The following COL6A3 variants were observed in gnomAD, a reference collection of about 807,000 sequenced individuals.
COL6A3 encodes collagen type VI alpha 3 chain.
A neutral mutation model predicts 274.1 loss-of-function variants in COL6A3; 137 were observed. The ratio of observed to expected loss-of-function variants is 0.50; its 90% CI spans 0.44 to 0.58. COL6A3 has a LOEUF of 0.58. Ranked by LOEUF, COL6A3 falls within the 20% of genes least tolerant of loss-of-function variation. The probability of loss-of-function intolerance (pLI) is 0.00; values close to 1 mark genes in which losing one functional copy is unlikely to be tolerated. For missense variants in COL6A3, 3,950 were observed against 4,124.9 expected (o/e 0.96, Z 1.16); for synonymous variants, 1,650 against 1,650.6 (o/e 1.00, Z 0.01).
intron 1 of COL6A3, among the ~76,000 whole-genome samples, chr2:237,409,671 C>T (rs150696767): frequency 1.2e-4 from 18 of 152,228 alleles, no homozygotes; most frequent in East Asian, 5.8e-4. Flanking sequence ...ATATTCAAGA[C>T]GAGACATTCA....
Position 237,366,788 on chromosome 2 carries a change from C to T in COL6A3, c.5399G>A (p.Gly1800Asp). The change falls in exon 11 of 44, where the codon GGC becomes GAC. Residue 1800 changes from glycine (G) to aspartate (D), a missense_variant. Transcript: ENST00000295550. ...ASNSATAFRV[G>D]NVQELSELSE... The stretch of plus-strand genomic sequence containing the variant: ...CAGTTCGGACAGCTCCTGGACGTTG[C>T]CCACGCGGAACGCTGTGGCGCTGTT... The T allele has an allele frequency of 6.2e-7, 1 of 1,614,286 alleles. No individual in the cohort carries two copies. The highest frequency in any genetic ancestry group is 8.5e-7 in the Non-Finnish European group (1 of 1,180,050).
Position 237,361,355 on chromosome 2 carries a change from T to C in COL6A3, c.6157-181A>G, listed in dbSNP as rs1394561723. On this transcript the variant is annotated intron_variant, in intron 15 of 43. Transcript: ENST00000295550. The surrounding 1 kb of genome is among the most constrained non-coding windows in gnomAD (Gnocchi z 5.1). ...TTCTCTCTATCAGGATCTCTAAGGCTCCTGCTCTGCCAAGAAAGCCTGTTA... is the reference window on the plus strand; with the variant it reads ...TTCTCTCTATCAGGATCTCTAAGGCCCCTGCTCTGCCAAGAAAGCCTGTTA... Among the ~76,000 whole-genome samples the C allele has an allele frequency of 2.6e-5, 4 of 152,206 alleles. No individual in the cohort carries two copies. The highest frequency in any genetic ancestry group is 4.8e-5 in the African/African-American group (2 of 41,458).
rs776329513 is a variant in COL6A3 at position 237,387,806 on chromosome 2, C to G, written c.1088G>C (p.Arg363Pro). ...ISAGPSSDEI[R>P]YGVVALKQAS... Reference sequence around the variant, plus strand: ...CTGCTTCAGTGCTACCACCCCGTAGCGAATCTCGTCACTAGAAGGCCCGGC... The same window carrying G: ...CTGCTTCAGTGCTACCACCCCGTAGGGAATCTCGTCACTAGAAGGCCCGGC... The change falls in exon 4 of 44, where the codon CGC becomes CCC. Residue 363 changes from arginine to proline, a missense_variant. By Grantham distance (103) the Arg-to-Pro change is moderately radical. This residue lies in a region of COL6A3 where 1,934 missense variants were observed against 1,984.3 expected (regional missense o/e 0.97). Transcript: ENST00000295550. 6.2e-7 allele frequency: 1 copy of G among 1,614,110 alleles called. No individual in the cohort carries two copies. The highest frequency in any genetic ancestry group is 1.1e-5 in the South Asian group (1 of 91,066).
At chr2:237,385,693 A>G (rs1293780766) in intron 4 of COL6A3, among the ~76,000 whole-genome samples, 1 of 152,218 alleles carries the variant, frequency 6.6e-6, no homozygotes, top group Non-Finnish European at 1.5e-5. Flanking sequence ...AGCAGGTCAT[A>G]AATTTTCACT....
At chr2:237,406,561 C>T (rs1276067827) in intron 1 of COL6A3, among the ~76,000 whole-genome samples, 3 of 152,182 alleles carry the variant, frequency 2.0e-5, no homozygotes, top group African/African-American at 4.8e-5. Flanking sequence ...ATTTGAGGCA[C>T]TCATCCACCC....
Position 237,342,243 on chromosome 2 carries a change from G to T in COL6A3, c.7669-82C>A. On this transcript the variant is annotated intron_variant, in intron 36 of 43. Transcript: ENST00000295550. ...AAATATGGCAGAGGAGTAAATCAAAGCTACATCAATAAAATAGATTAACTT... is the reference window on the plus strand; with the variant it reads ...AAATATGGCAGAGGAGTAAATCAAATCTACATCAATAAAATAGATTAACTT... The T allele has an allele frequency of 7.6e-6, 8 of 1,049,986 alleles. No homozygotes were observed. The South Asian group carries it at 8.0e-5, about 11-fold the overall frequency. The allele number at this position is 1,049,986 out of a possible 1,614,324, so 65.0% of individuals were successfully genotyped here. A position where few individuals can be genotyped will look rare whatever the true frequency, so the allele number is the denominator to read the frequency against.
Position 237,357,379 on chromosome 2 carries a change from T to G in COL6A3, c.6550A>C (p.Arg2184=). The change falls in exon 23 of 44, where the codon AGA becomes CGA. Residue 2184 remains arginine (R), a synonymous_variant. Transcript: ENST00000295550. ...GDLGPMGVPG[R]DGVPGGPGET... ...CCAGGTCCTCCAGGTACTCCATCTC[T>G]CCCTGGGACACCCTGGTGTGGGGAA... 5 of 1,612,106 alleles carry G rather than the reference T, an allele frequency of 3.1e-6. No homozygotes were observed. Among genetic ancestry groups the G allele is most frequent in the Non-Finnish European group, 4.2e-6 (5 of 1,178,166 alleles).
Position 237,354,907 on chromosome 2 carries a change from C to T in COL6A3, c.6619G>A (p.Gly2207Arg), listed in dbSNP as rs1053994705. ...CACTGCATGAGGCTCACCTTAGCTC[C>T]GGGGGGTCCCCTTCGGCCAAAGCCA... ...NGGFGRRGPP[G>R]AKGNKGGPGQ... is the part of the protein sequence containing the mutation. The change falls in exon 24 of 44, where the codon GGA becomes AGA. Residue 2207 changes from glycine to arginine, a missense_variant. By Grantham distance (125) the Gly-to-Arg change is moderately radical. Around this residue, in one of 5 missense-constraint regions of COL6A3, gnomAD observed 1,284 missense variants for 1,349.7 expected, o/e 0.95. Transcript: ENST00000295550. 8 of 1,613,576 alleles carry T rather than the reference C, an allele frequency of 5.0e-6. No homozygotes were observed. Among genetic ancestry groups the T allele is most frequent in the Non-Finnish European group, 6.8e-6 (8 of 1,179,826 alleles).
Position 237,360,166 on chromosome 2 carries a change from T to G in COL6A3, c.6211-7A>C. 3 of 1,614,118 alleles carry G rather than the reference T, an allele frequency of 1.9e-6. No individual in the cohort carries two copies. Among genetic ancestry groups the G allele is most frequent in the Non-Finnish European group, 2.5e-6 (3 of 1,180,018 alleles). The stretch of plus-strand genomic sequence containing the variant: ...CAGGCGGACCACGCTCACCCTGTTG[T>G]GAGAGACAAAGGCATTTTGCAAGCT... On this transcript the variant is annotated splice_polypyrimidine_tract_variant and splice_region_variant and intron_variant, in intron 16 of 43. Coordinates refer to ENST00000295550, the MANE Select transcript of COL6A3 (RefSeq NM_004369.4).
chr2:237,369,244 C>T, intron 9 of COL6A3, 67 bp from the exon 10 acceptor site: 1 of 1,577,098 alleles, frequency 6.3e-7, no homozygotes, highest in Non-Finnish European at 8.6e-7. Flanking sequence ...GTTTGGTGTG[C>T]ACCTTGCACC....
At position 237,350,305 on chromosome 2, in the gene COL6A3, C is replaced by T. The variant is rs1426920742; in HGVS notation, c.6817-96G>A. 6.6e-6 allele frequency: 7 copies of T among 1,063,538 alleles called. No individual in the cohort carries two copies. In the Admixed American group the frequency reaches 9.1e-5, roughly 14 times the overall value. The allele number at this position is 1,063,538 out of a possible 1,614,324, so 65.9% of individuals were successfully genotyped here. ...TTTGCTCTAGGTAAGGGTGCTGCAA[C>T]ATGCTGACTTCACCTTTGAGATTTC... On this transcript the variant is annotated intron_variant, in intron 27 of 43. Transcript: ENST00000295550.
intron 42 of COL6A3, chr2:237,328,799 T>C (rs1364484770): frequency 6.6e-6 from 1 of 152,212 alleles, no homozygotes; most frequent in Non-Finnish European, 1.5e-5. Context: ...AAGTACTTCC[T>C]TGAGCAAACT....
At chr2:237,400,532 C>A (rs756260895) in intron 1 of COL6A3, among the ~76,000 whole-genome samples, 14 of 151,662 alleles carry the variant, frequency 9.2e-5, no homozygotes, top group Non-Finnish European at 1.9e-4. Context: ...TTGAAATATA[C>A]AATCCACCAA....
rs1034523342 is a variant in COL6A3 at position 237,380,736 on chromosome 2, T to C, written c.1897+179A>G. Among the ~76,000 whole-genome samples, 6 of 152,242 alleles carry C rather than the reference T, an allele frequency of 3.9e-5. No individual in the cohort carries two copies. In the East Asian group the frequency reaches 5.8e-4, roughly 15 times the overall value. On this transcript the variant is annotated intron_variant, in intron 5 of 43. Coordinates refer to ENST00000295550, the MANE Select transcript of COL6A3 (RefSeq NM_004369.4). Reference sequence around the variant, plus strand: ...TATGAAATTTCATTGCATGACATTGTAAACCATACAATCCTGAACCCAGTG... The same window carrying C: ...TATGAAATTTCATTGCATGACATTGCAAACCATACAATCCTGAACCCAGTG...
At chr2:237,389,682 C>T (rs1181771687) in intron 3 of COL6A3, among the ~76,000 whole-genome samples, 3 of 152,166 alleles carry the variant, frequency 2.0e-5, no homozygotes, top group Non-Finnish European at 4.4e-5. Context: ...TCGGAACTGC[C>T]CTCTTCCCTT....
intron 3 of COL6A3, among the ~76,000 whole-genome samples, chr2:237,393,973 G>A (rs753539485): frequency 6.6e-6 from 1 of 152,194 alleles, no homozygotes; most frequent in Non-Finnish European, 1.5e-5. Flanking sequence ...GAAATAAGAA[G>A]ACCAGACCCA....
intron 3 of COL6A3, among the ~76,000 whole-genome samples, chr2:237,389,790 T>A (rs891942951): frequency 6.6e-6 from 1 of 152,252 alleles, no homozygotes; most frequent in South Asian, 2.1e-4. Context: ...CAATCCTTCT[T>A]ATAAGATACA....
chr2:237,339,505 T>C (rs943051723), intron 38 of COL6A3, among the ~76,000 whole-genome samples: 2 of 152,236 alleles, frequency 1.3e-5, no homozygotes, highest in Non-Finnish European at 2.9e-5. Flanking sequence ...AGCTTTTGTT[T>C]TTAATCTTTG....
chr2:237,339,149 C>T (rs1314441452), intron 38 of COL6A3, 32 bp from the exon 39 acceptor site: 1 of 1,443,840 alleles, frequency 6.9e-7, no homozygotes, highest in Non-Finnish European at 9.7e-7. Context: ...AACAATTGAA[C>T]CGCATGCTAA....
Sources: gnomAD v4.1 joint callset for allele counts (sites outside exome capture counted in the v4.1 genomes callset) on GRCh38, gnomAD v4.1.1 for gene constraint, gnomAD v4.1.1 regional missense constraint, Gnocchi (gnomAD v3.1) non-coding constraint, MANE v1.5 for transcripts, NCBI Gene and HGNC (gene_info 2026-07-23, HGNC 2026-07-21) for gene names.